Variants in DOCK9 observed in about 807,000 individuals in gnomAD.
The protein encoded by DOCK9 is dedicator of cytokinesis 9, also known as dedicator of cytokinesis protein 9.
In DOCK9, 89 loss-of-function variants were observed where a neutral mutation model predicts 263.3. The observed-to-expected ratio is 0.34, with a 90% CI of 0.28 to 0.40. The LOEUF is 0.40. Among genes scored for constraint, DOCK9 ranks in the 10% least tolerant of loss-of-function variants. The pLI is 1.00. For missense variants in DOCK9, 2,140 were observed against 2,603.4 expected (o/e 0.82, Z 3.87); for synonymous variants, 976 against 973.1 (o/e 1.00, Z -0.06).
chr13:98,946,839 C>T lies in DOCK9; in HGVS notation c.243+8596G>A, dbSNP rs145944800. Among the ~76,000 whole-genome samples, 684 of 152,304 alleles carry T rather than the reference C, an allele frequency of 4.5e-3. 8 individuals are homozygous for T. Among genetic ancestry groups the T allele is most frequent in the South Asian group, 0.025 (122 of 4,828 alleles). On this transcript the variant is annotated intron_variant, in intron 2 of 52. Transcript: ENST00000682017. ...TCCACAGCCCTTTCCTGGGACCTCC[C>T]TAGCCATGGAGAGACTGTCTGCCCT...
intron 1 of DOCK9, among the ~76,000 whole-genome samples, chr13:99,055,065 A>G (rs911127791): frequency 6.6e-6 from 1 of 152,184 alleles, no homozygotes; most frequent in African/African-American, 2.4e-5. Context: ...CTGCTATGAA[A>G]TTTTCTTGAA....
intron 1 of DOCK9, among the ~76,000 whole-genome samples, chr13:99,038,465 C>G (rs532625241): frequency 7.9e-5 from 12 of 151,778 alleles, no homozygotes; most frequent in Non-Finnish European, 1.3e-4. Flanking sequence ...CCACCACGCC[C>G]GGCTAACTTT....
At chr13:98,964,905 T>C (rs2059043304) in intron 1 of DOCK9, among the ~76,000 whole-genome samples, 1 of 152,230 alleles carries the variant, frequency 6.6e-6, no homozygotes, top group Admixed American at 6.5e-5. Context: ...TCCTGCTTCC[T>C]CTGCAAGGAT....
At chr13:98,923,871 T>C (rs1238616557) in intron 4 of DOCK9, among the ~76,000 whole-genome samples, 1 of 152,168 alleles carries the variant, frequency 6.6e-6, no homozygotes, top group Non-Finnish European at 1.5e-5. Flanking sequence ...TCATGGTGAC[T>C]GTTGTTAAGG....
At chr13:98,998,117 AG>A (rs1881460954) in intron 1 of DOCK9, among the ~76,000 whole-genome samples, 2 of 152,338 alleles carry the variant, frequency 1.3e-5, no homozygotes, top group South Asian at 4.1e-4. Flanking sequence ...TCTGTGAATG[AG>A]TCACAGATGA....
intron 1 of DOCK9, among the ~76,000 whole-genome samples, chr13:99,032,423 C>T (rs1181396560): frequency 6.6e-6 from 1 of 151,090 alleles, no homozygotes; most frequent in Non-Finnish European, 1.5e-5. Flanking sequence ...CTGCAGTGAG[C>T]TGAGATCACA....
intron 2 of DOCK9, among the ~76,000 whole-genome samples, chr13:98,954,895 C>CAT (rs1567080921): frequency 1.3e-5 from 2 of 151,604 alleles, no homozygotes; most frequent in African/African-American, 4.8e-5. Flanking sequence ...CACACACACA[C>CAT]ACATTTTGGC....
At chr13:98,977,025 T>A (rs560050514) in intron 1 of DOCK9, among the ~76,000 whole-genome samples, 1 of 152,332 alleles carries the variant, frequency 6.6e-6, no homozygotes, top group Admixed American at 6.5e-5. Flanking sequence ...TTGTCCCCCC[T>A]CTGCAGGGCA....
chr13:98,947,312 A>C (rs911392149), intron 2 of DOCK9, among the ~76,000 whole-genome samples: 1 of 152,174 alleles, frequency 6.6e-6, no homozygotes, highest in Non-Finnish European at 1.5e-5. Flanking sequence ...CAAGTCGTTT[A>C]AGAATAAACA....
At chr13:98,844,084 G>T (rs1197261980) in intron 38 of DOCK9, among the ~76,000 whole-genome samples, 5 of 152,176 alleles carry the variant, frequency 3.3e-5, no homozygotes, top group African/African-American at 1.2e-4. Context: ...TATCAGTGGG[G>T]ATTGAATTTC....
chr13:98,810,414 T>C lies in DOCK9; in HGVS notation c.5131-123A>G, dbSNP rs895021267. 134 of 1,199,898 alleles carry C rather than the reference T, an allele frequency of 1.1e-4. 2 individuals are homozygous for C. Among genetic ancestry groups the C allele is most frequent in the Non-Finnish European group, 1.5e-5 (13 of 851,324 alleles). 74.3% of individuals were successfully genotyped at this position (1,199,898 alleles called of 1,614,324 possible). On this transcript the variant is annotated intron_variant, in intron 45 of 52. Transcript: ENST00000682017. Reference sequence around the variant, plus strand: ...AATTTTTCACAATAGACAACATGCATCAACACTCACTTCCACACTTACAAC... The same window carrying C: ...AATTTTTCACAATAGACAACATGCACCAACACTCACTTCCACACTTACAAC...
At chr13:99,037,561 A>G (rs1042369127) in intron 1 of DOCK9, among the ~76,000 whole-genome samples, 19 of 152,224 alleles carry the variant, frequency 1.2e-4, no homozygotes, top group African/African-American at 4.6e-4. Context: ...GCAGTTTTGT[A>G]AAAAGTATAC....
chr13:98,925,159 G>T (rs931894610), intron 4 of DOCK9, among the ~76,000 whole-genome samples: 12 of 151,964 alleles, frequency 7.9e-5, no homozygotes, highest in African/African-American at 2.9e-4. Context: ...GCAAGACTCT[G>T]TCTCAAAACT....
chr13:98,998,517 AC>A (rs988653500), intron 1 of DOCK9, among the ~76,000 whole-genome samples: 2 of 152,064 alleles, frequency 1.3e-5, no homozygotes, highest in African/African-American at 4.8e-5. Flanking sequence ...AGCTTCCAAA[AC>A]CCTTTTAAGA....
chr13:98,977,772 A>G lies in DOCK9; in HGVS notation c.126+12T>C, dbSNP rs1567158562. On this transcript the variant is annotated intron_variant, in intron 1 of 52. Transcript: ENST00000682017. ...GGTAGACACAGCAACACTTTGTACG[A>G]GACCCTCTTACCGGCACAGGGCCCG... The G allele has an allele frequency of 8.7e-6, 14 of 1,611,516 alleles. No individual in the cohort carries two copies. The highest frequency in any genetic ancestry group is 1.8e-4 in the Middle Eastern group (1 of 5,498).
chr13:99,066,122 C>A (rs1015855349), intron 1 of DOCK9, among the ~76,000 whole-genome samples: 6 of 152,162 alleles, frequency 3.9e-5, no homozygotes, highest in Non-Finnish European at 7.3e-5. Context: ...AAGGCTAACA[C>A]AAGTGTACAC....
intron 2 of DOCK9, among the ~76,000 whole-genome samples, chr13:98,940,501 C>T (rs1181766697): frequency 1.3e-5 from 2 of 152,054 alleles, no homozygotes; most frequent in African/African-American, 2.4e-5. Context: ...TAGGCTCCAG[C>T]GATCATCCCA....
chr13:99,085,866 C>T (rs911252837), intron 1 of DOCK9, among the ~76,000 whole-genome samples: 3 of 17,936 alleles, frequency 1.7e-4, no homozygotes, highest in East Asian at 2.2e-3. Context: ...GGGAGGGATG[C>T]GGGGGAGGGG....
At chr13:98,814,203 G>C (rs1285444718) in intron 45 of DOCK9, among the ~76,000 whole-genome samples, 2 of 152,196 alleles carry the variant, frequency 1.3e-5, no homozygotes, top group Non-Finnish European at 2.9e-5. Flanking sequence ...AGTCATAAAA[G>C]TGTCATTTGT....
Sources: allele counts gnomAD v4.1 joint callset (sites outside exome capture counted in the v4.1 genomes callset), GRCh38; gene constraint gnomAD v4.1.1; transcripts MANE v1.5; gene names NCBI Gene and HGNC (gene_info 2026-07-23, HGNC 2026-07-21).